DDC: variants seen among roughly 807,000 people sequenced by gnomAD.
The protein encoded by DDC is dopa decarboxylase.
A neutral mutation model predicts 60.0 loss-of-function variants in DDC; 43 were observed. That is an observed-to-expected ratio of 0.72 (90% CI 0.56 to 0.92). The LOEUF (loss-of-function observed/expected upper bound fraction) is 0.92, where lower values mean the gene tolerates loss of function less well. Ranked by LOEUF, DDC falls within the 40% of genes least tolerant of loss-of-function variation. DDC has a pLI of 0.00. For synonymous variants in DDC, 232 were observed against 234.6 expected, an observed-to-expected ratio of 0.99 and a Z score of 0.10; for missense variants, 573 against 620.2, an observed-to-expected ratio of 0.92 and a Z score of 0.81.
intron 1 of DDC, among the ~76,000 whole-genome samples, chr7:50,545,299 G>T (rs10276473): frequency 0.22 from 33,947 of 152,046 alleles, 3,942 homozygotes; most frequent in East Asian, 0.39. Context: ...GACATTGGGG[G>T]TTACAAATGA....
Position 50,463,347 on chromosome 7 carries a change from T to C in DDC, c.1327A>G (p.Lys443Glu). 6.2e-7 allele frequency: 1 copy of C among 1,614,234 alleles called. No homozygotes were observed. The highest frequency in any genetic ancestry group is 8.5e-7 in the Non-Finnish European group (1 of 1,180,040). Residue 443 changes from lysine (K) to glutamate (E), a missense_variant, in exon 14 of 15, where the codon AAG (lysine) becomes GAG (glutamate). Physicochemically the swap from Lys to Glu is moderately conservative, Grantham distance 56. Transcript: ENST00000444124. Reference protein sequence around the residue: ...IHLVPCHLRDKFVLRFAICSR... With the variant: ...IHLVPCHLRDEFVLRFAICSR... ...CAGATGGCAAAGCGCAGGACAAACT[T>C]GTCCCTGAGGTGACATGGAACCAAG...
At chr7:50,531,648 T>C (rs1474958103) in intron 4 of DDC, 1 of 151,998 alleles carries the variant, frequency 6.6e-6, no homozygotes, top group Non-Finnish European at 1.5e-5. Context: ...AAAATGATGT[T>C]TTAAAAGCCT....
intron 12 of DDC, among the ~76,000 whole-genome samples, chr7:50,469,368 T>C (rs1196162818): frequency 6.6e-6 from 1 of 151,876 alleles, no homozygotes. Context: ...CAGAGGTTGC[T>C]GGGCCCCACT....
At chr7:50,476,748 C>G in intron 10 of DDC, 105 bp from the exon 11 acceptor site, 1 of 1,123,140 alleles carries the variant, frequency 8.9e-7, no homozygotes, top group East Asian at 2.4e-5. Flanking sequence ...GTCTTCTAAG[C>G]CAGAAATAAA....
intron 4 of DDC, among the ~76,000 whole-genome samples, chr7:50,535,469 T>C (rs1258861967): frequency 6.6e-6 from 1 of 152,202 alleles, no homozygotes; most frequent in Non-Finnish European, 1.5e-5. Context: ...CAGCTCCCCA[T>C]TTAATATCAC....
intron 6 of DDC, among the ~76,000 whole-genome samples, chr7:50,511,681 A>G (rs1379711686): frequency 6.6e-6 from 1 of 152,198 alleles, no homozygotes; most frequent in Non-Finnish European, 1.5e-5. Context: ...GTGAGCCAAG[A>G]TCGCGCCACT....
intron 4 of DDC, among the ~76,000 whole-genome samples, chr7:50,529,878 G>A (rs551186519): frequency 6.6e-6 from 1 of 152,230 alleles, no homozygotes; most frequent in South Asian, 2.1e-4. Context: ...CTAACCCCCA[G>A]GACCTCAGAT....
intron 14 of DDC, among the ~76,000 whole-genome samples, chr7:50,460,671 A>G (rs2042253607): frequency 6.6e-6 from 1 of 151,504 alleles, no homozygotes; most frequent in Non-Finnish European, 1.5e-5. Context: ...AGAAAGAGGT[A>G]GACACAGGAG....
chr7:50,555,023 C>A (rs1468073240), intron 1 of DDC, among the ~76,000 whole-genome samples: 2 of 152,086 alleles, frequency 1.3e-5, no homozygotes, highest in Non-Finnish European at 2.9e-5. Flanking sequence ...ACCTCTATGG[C>A]CAATATGATG....
At chr7:50,536,155 C>T (rs1400265184) in intron 4 of DDC, among the ~76,000 whole-genome samples, 2 of 152,164 alleles carry the variant, frequency 1.3e-5, no homozygotes. Context: ...CACCCCTCTG[C>T]CCACTGAGAT....
At chr7:50,560,852 CTGAA>C (rs2045328742) in intron 1 of DDC, among the ~76,000 whole-genome samples, 1 of 152,188 alleles carries the variant, frequency 6.6e-6, no homozygotes, top group Admixed American at 6.5e-5. Flanking sequence ...CCTGCACACA[CTGAA>C]TGCTCAGCTG....
chr7:50,488,148 T>TA (rs528540585), intron 9 of DDC, among the ~76,000 whole-genome samples: 1 of 151,938 alleles, frequency 6.6e-6, no homozygotes, highest in African/African-American at 2.4e-5. Flanking sequence ...AGTAATCTAT[T>TA]AAAAAATTAA....
chr7:50,472,917 C>G (rs566650388), intron 11 of DDC, among the ~76,000 whole-genome samples: 1 of 152,274 alleles, frequency 6.6e-6, no homozygotes, highest in East Asian at 1.9e-4. Flanking sequence ...TGGATCTTCT[C>G]CCCAGACCGC....
intron 14 of DDC, among the ~76,000 whole-genome samples, chr7:50,460,215 C>T (rs1309955214): frequency 3.3e-4 from 49 of 147,310 alleles, no homozygotes; most frequent in African/African-American, 1.1e-3. Context: ...CGGCCAGCCG[C>T]CCCGTCCGGG....
intron 6 of DDC, among the ~76,000 whole-genome samples, chr7:50,520,958 A>C (rs898830603): frequency 5.4e-5 from 8 of 148,038 alleles, no homozygotes; most frequent in Admixed American, 1.3e-4. Flanking sequence ...ATGTAAGCAG[A>C]AGAAAAGAAA....
At chr7:50,497,917 G>A (rs933962513) in intron 8 of DDC, among the ~76,000 whole-genome samples, 3 of 152,048 alleles carry the variant, frequency 2.0e-5, no homozygotes, top group Non-Finnish European at 2.9e-5. Context: ...TATACCTCTG[G>A]TACCCTCTTT....
rs190898385 is a variant in DDC at position 50,467,353 on chromosome 7, C to G, written c.1141-38G>C. The G allele has an allele frequency of 1.9e-5, 30 of 1,544,982 alleles. No individual in the cohort carries two copies. The African/African-American group carries it at 3.5e-4, about 18-fold the overall frequency. On this transcript the variant is annotated intron_variant, in intron 12 of 14. Transcript: ENST00000444124. ...AAGGGAAAATCTGTTTTTCTCATGG[C>G]CATTTAATTCAGAACTTAACTACCT...
At chr7:50,544,612 GTCT>G (rs1293792521) in intron 1 of DDC, among the ~76,000 whole-genome samples, 1 of 152,150 alleles carries the variant, frequency 6.6e-6, no homozygotes, top group Non-Finnish European at 1.5e-5. Context: ...CTCAAACTTA[GTCT>G]TCTTCTCTCC....
At chr7:50,537,760 G>GAACT in intron 4 of DDC, 100 bp downstream of exon 4, 1 of 1,442,844 alleles carries the variant, frequency 6.9e-7, no homozygotes, top group Admixed American at 1.7e-5. Flanking sequence ...GAAATTTGAG[G>GAACT]AACTAACAAG....
Sources: gnomAD v4.1 joint callset for allele counts (sites outside exome capture counted in the v4.1 genomes callset) on GRCh38, gnomAD v4.1.1 for gene constraint, MANE v1.5 for transcripts, NCBI Gene and HGNC (gene_info 2026-07-23, HGNC 2026-07-21) for gene names.